The following GLYAT variants were observed in gnomAD, a reference collection of about 807,000 sequenced individuals.
GLYAT encodes glycine-N-acyltransferase, also known as glycine N-acyltransferase.
Under a neutral mutation model 22.8 loss-of-function variants are expected in GLYAT, and 25 were observed. The ratio of observed to expected loss-of-function variants is 1.09; its 90% CI spans 0.80 to 1.53. The LOEUF is 1.53. GLYAT is among the 40% of genes most tolerant of loss of function. The pLI is 0.00. For synonymous variants in GLYAT, 140 were observed against 122.7 expected, an observed-to-expected ratio of 1.14 and a Z score of -0.93; for missense variants, 411 against 353.9, an observed-to-expected ratio of 1.16 and a Z score of -1.29.
intron 2 of GLYAT, among the ~76,000 whole-genome samples, chr11:58,715,749 C>A (rs1022039060): frequency 6.6e-6 from 1 of 152,126 alleles, no homozygotes; most frequent in Admixed American, 6.6e-5. Context: ...CACAAGCATA[C>A]AAAATAATTT....
At chr11:58,724,612 T>A (rs1406011634) in intron 1 of GLYAT, 101 bp from the exon 2 acceptor site, 9 of 392,192 alleles carry the variant, frequency 2.3e-5, no homozygotes, top group African/African-American at 4.5e-5. Flanking sequence ...TTTTTTTTTT[T>A]AGTGCCTTTC....
chr11:58,731,591 T>C (rs1257998890), intron 1 of GLYAT, among the ~76,000 whole-genome samples: 1 of 152,154 alleles, frequency 6.6e-6, no homozygotes, highest in Non-Finnish European at 1.5e-5. Context: ...AAGTATACAA[T>C]ATGATGTTAT....
At chr11:58,716,287 G>A (rs899491636) in intron 2 of GLYAT, among the ~76,000 whole-genome samples, 1 of 152,072 alleles carries the variant, frequency 6.6e-6, no homozygotes, top group Admixed American at 6.6e-5. Context: ...AGTTTCAGCT[G>A]ATATCAGCAT....
intron 2 of GLYAT, among the ~76,000 whole-genome samples, chr11:58,721,746 CA>C (rs1177280711): frequency 6.6e-6 from 1 of 151,798 alleles, no homozygotes; most frequent in Non-Finnish European, 1.5e-5. Context: ...GTCTGGCTGG[CA>C]AAAAGGTGAC....
chr11:58,717,652 A>G (rs1189017334), intron 2 of GLYAT, among the ~76,000 whole-genome samples: 1 of 152,102 alleles, frequency 6.6e-6, no homozygotes, highest in African/African-American at 2.4e-5. Context: ...ATAAAAATTG[A>G]AAAATAACAT....
intron 1 of GLYAT, among the ~76,000 whole-genome samples, chr11:58,728,895 AAGGAAGGAAGGAAGGAAGGAAG>A (rs1856841380): frequency 4.9e-5 from 5 of 102,738 alleles, no homozygotes; most frequent in East Asian, 5.5e-4. Flanking sequence ...AGAAAGAAGG[AAGGAAGGAAGGAAGGAAGGAAG>A]GAAGGAAGGA....
chr11:58,723,265 C>T (rs1470272911), intron 2 of GLYAT, among the ~76,000 whole-genome samples: 1 of 151,992 alleles, frequency 6.6e-6, no homozygotes, highest in Non-Finnish European at 1.5e-5. Flanking sequence ...TGTTCTGTCT[C>T]TCTGGGAGGT....
At chr11:58,731,206 T>A (rs1429172804) in intron 1 of GLYAT, among the ~76,000 whole-genome samples, 1 of 152,174 alleles carries the variant, frequency 6.6e-6, no homozygotes, top group Non-Finnish European at 1.5e-5. Flanking sequence ...AACTTCTTAG[T>A]AGTAGTGTAA....
At position 58,710,136 on chromosome 11, in the gene GLYAT, T is replaced by A. The variant is rs1444751257; in HGVS notation, c.521A>T (p.Asp174Val). Residue 174 changes from aspartate to valine, a missense_variant, in exon 6 of 6, where the codon GAT becomes GTT. Coordinates refer to ENST00000344743, the MANE Select transcript of GLYAT (RefSeq NM_201648.3). The stretch of plus-strand genomic sequence containing the variant: ...ATTCACCAAGTGAGCATGGGTAACA[T>A]CCATGGATGAGAGTTTAAACATCTC... The part of the protein sequence containing the change: ...NQEMFKLSSM[D>V]VTHAHLVNKF... 4.3e-6 allele frequency: 7 copies of A among 1,613,678 alleles called. No homozygotes were observed. The South Asian group carries it at 6.6e-5, about 15-fold the overall frequency.
chr11:58,727,149 G>A (rs1590675008), intron 1 of GLYAT, among the ~76,000 whole-genome samples: 1 of 152,144 alleles, frequency 6.6e-6, no homozygotes, highest in African/African-American at 2.4e-5. Flanking sequence ...GGCAGAGCTG[G>A]GGTTTCAATT....
intron 3 of GLYAT, among the ~76,000 whole-genome samples, chr11:58,713,757 A>G (rs1248681084): frequency 6.6e-6 from 1 of 152,158 alleles, no homozygotes; most frequent in East Asian, 1.9e-4. Context: ...AAAATGTTGC[A>G]CAAAAAACCC....
intron 2 of GLYAT, among the ~76,000 whole-genome samples, chr11:58,718,546 C>G (rs1856711488): frequency 6.6e-6 from 1 of 151,956 alleles, no homozygotes; most frequent in Non-Finnish European, 1.5e-5. Context: ...TTTAAGAGTA[C>G]CTGTTGGAGT....
At chr11:58,721,396 G>A (rs76660039) in intron 2 of GLYAT, among the ~76,000 whole-genome samples, 5,007 of 151,492 alleles carry the variant, frequency 0.033, 290 homozygotes, top group African/African-American at 0.11. Context: ...AAATAACCAC[G>A]TAGCCTTTGT....
chr11:58,729,542 T>A (rs1034644194), intron 1 of GLYAT, among the ~76,000 whole-genome samples: 7 of 152,172 alleles, frequency 4.6e-5, no homozygotes, highest in Non-Finnish European at 7.4e-5. Context: ...CAGTAATTCT[T>A]ATCACAGTAT....
At chr11:58,728,210 G>A (rs190878931) in intron 1 of GLYAT, among the ~76,000 whole-genome samples, 4 of 151,780 alleles carry the variant, frequency 2.6e-5, no homozygotes, top group Non-Finnish European at 4.4e-5. Flanking sequence ...TTACAGGCAC[G>A]CAACACCACA....
intron 3 of GLYAT, among the ~76,000 whole-genome samples, chr11:58,713,668 T>C (rs1174126780): frequency 6.6e-6 from 1 of 152,058 alleles, no homozygotes; most frequent in African/African-American, 2.4e-5. Flanking sequence ...AAATGACAGA[T>C]ACAATTATTT....
At chr11:58,729,847 T>G (rs1290486343) in intron 1 of GLYAT, among the ~76,000 whole-genome samples, 2 of 152,202 alleles carry the variant, frequency 1.3e-5, no homozygotes, top group Non-Finnish European at 2.9e-5. Flanking sequence ...TTTCTCTAGA[T>G]GCAACTCAGA....
intron 4 of GLYAT, among the ~76,000 whole-genome samples, chr11:58,711,287 C>A (rs1333957147): frequency 6.6e-6 from 1 of 152,182 alleles, no homozygotes; most frequent in African/African-American, 2.4e-5. Context: ...ATGTGAGGCC[C>A]TGTTCCAGCC....
At chr11:58,715,552 A>C (rs1856670138) in intron 2 of GLYAT, 129 bp from the exon 3 acceptor site, 7 of 613,686 alleles carry the variant, frequency 1.1e-5, no homozygotes, top group Non-Finnish European at 1.7e-5. Context: ...CCAAATGGAG[A>C]ATCTAAGTCA....
Sources: allele counts gnomAD v4.1 joint callset (sites outside exome capture counted in the v4.1 genomes callset), GRCh38; gene constraint gnomAD v4.1.1; transcripts MANE v1.5; gene names NCBI Gene and HGNC (gene_info 2026-07-23, HGNC 2026-07-21).